The following FAM135B variants were observed in gnomAD, a reference collection of about 807,000 sequenced individuals.
The protein encoded by FAM135B is protein FAM135B.
Under a neutral mutation model 127.7 loss-of-function variants are expected in FAM135B, and 43 were observed. The ratio of observed to expected loss-of-function variants is 0.34; its 90% confidence interval spans 0.26 to 0.43. The LOEUF (loss-of-function observed/expected upper bound fraction) is 0.43, where lower values mean the gene tolerates loss of function less well. Among genes scored for constraint, FAM135B ranks in the 20% least tolerant of loss-of-function variants. The pLI is 1.00. For synonymous variants in FAM135B, 670 were observed against 665.1 expected, an observed-to-expected ratio of 1.01 and a Z score of -0.11; for missense variants, 1,558 against 1,725.6, an observed-to-expected ratio of 0.90 and a Z score of 1.72.
Position 138,159,278 on chromosome 8 carries a change from C to CAAAAA in FAM135B, c.1259-6067_1259-6063dup, listed in dbSNP as rs1441016128. On this transcript the variant is annotated intron_variant, in intron 12 of 19. Coordinates refer to ENST00000395297, the MANE Select transcript of FAM135B (RefSeq NM_015912.4). ...TGGGCGACAGAGCGAGACTCCGTCT[C>CAAAAA]AAAAAAAAAAAAAGACACATGCACA... is the stretch of plus-strand genomic sequence containing the variant. Among the ~76,000 whole-genome samples the CAAAAA allele has an allele frequency of 5.7e-4, 18 of 31,656 alleles. 4 individuals are homozygous for CAAAAA. In the East Asian group the frequency reaches 0.012, roughly 20 times the overall value. 20.8% of individuals were successfully genotyped at this position (31,656 alleles called of 152,430 possible). A position where few individuals can be genotyped will look rare whatever the true frequency, so the allele number is the denominator to read the frequency against.
At chr8:138,223,312 C>G (rs1252012449) in intron 7 of FAM135B, among the ~76,000 whole-genome samples, 1 of 152,106 alleles carries the variant, frequency 6.6e-6, no homozygotes, top group Non-Finnish European at 1.5e-5. Context: ...ACTTGTAGTC[C>G]AGGAGCTCTT....
chr8:138,393,545 A>G (rs1288167912), intron 1 of FAM135B, among the ~76,000 whole-genome samples: 1 of 152,112 alleles, frequency 6.6e-6, no homozygotes, highest in African/African-American at 2.4e-5. Flanking sequence ...CCTGCAGCTT[A>G]GCTTACGGGC....
intron 7 of FAM135B, among the ~76,000 whole-genome samples, chr8:138,219,427 C>G (rs1310210876): frequency 3.3e-5 from 5 of 152,162 alleles, no homozygotes; most frequent in Non-Finnish European, 7.3e-5. Context: ...GATTTGCTGC[C>G]TTTAGTCATT....
In FAM135B at chr8:138,350,007, T is replaced by C. The variant is rs114041354; in HGVS notation, c.77+17900A>G. 6.1e-3 allele frequency among the ~76,000 whole-genome samples: 924 copies of C among 152,242 alleles called. 14 individuals carry two copies. The highest frequency in any genetic ancestry group is 0.021 in the African/African-American group (857 of 41,532). Reference sequence around the variant, plus strand: ...CAAAAGACCTGTGAGGTGGACTCTATCGTTATTCTCCATGTTCAGATGAGA... The same window carrying C: ...CAAAAGACCTGTGAGGTGGACTCTACCGTTATTCTCCATGTTCAGATGAGA... On this transcript the variant is annotated intron_variant, in intron 2 of 19. Coordinates refer to ENST00000395297, the MANE Select transcript of FAM135B (RefSeq NM_015912.4).
chr8:138,403,429 C>T (rs1833269833), intron 1 of FAM135B, among the ~76,000 whole-genome samples: 1 of 152,134 alleles, frequency 6.6e-6, no homozygotes, highest in South Asian at 2.1e-4. Flanking sequence ...TCAAACAGGT[C>T]ACCAAATTGT....
intron 2 of FAM135B, among the ~76,000 whole-genome samples, chr8:138,344,972 G>A (rs997647485): frequency 6.6e-6 from 1 of 152,200 alleles, no homozygotes; most frequent in Non-Finnish European, 1.5e-5. Context: ...TTTTATGCTT[G>A]TTCTCCCACG....
At chr8:138,435,153 C>G (rs1835391080) in intron 1 of FAM135B, among the ~76,000 whole-genome samples, 2 of 152,192 alleles carry the variant, frequency 1.3e-5, no homozygotes, top group Middle Eastern at 3.4e-3. Flanking sequence ...AAAAAATTAG[C>G]CAGACGTCGT....
intron 3 of FAM135B, among the ~76,000 whole-genome samples, chr8:138,277,851 C>T (rs1045667816): frequency 6.6e-6 from 1 of 152,204 alleles, no homozygotes; most frequent in Non-Finnish European, 1.5e-5. Flanking sequence ...CCAATACACA[C>T]ACTCCATTCA....
At chr8:138,321,099 C>T (rs917748867) in intron 2 of FAM135B, among the ~76,000 whole-genome samples, 5 of 152,128 alleles carry the variant, frequency 3.3e-5, no homozygotes, top group African/African-American at 7.2e-5. Context: ...GAAAACTTAA[C>T]GCTAGTAACT....
intron 9 of FAM135B, among the ~76,000 whole-genome samples, chr8:138,189,848 A>G (rs1815950656): frequency 6.6e-6 from 1 of 152,180 alleles, no homozygotes; most frequent in African/African-American, 2.4e-5. Flanking sequence ...CTAATAAGAT[A>G]AGTCAGCAAC....
intron 2 of FAM135B, among the ~76,000 whole-genome samples, chr8:138,336,712 A>G (rs1828620937): frequency 6.6e-6 from 1 of 152,208 alleles, no homozygotes; most frequent in South Asian, 2.1e-4. Flanking sequence ...TTCTGAAATT[A>G]TTACAATTAA....
chr8:138,227,596 T>C (rs1156385776), intron 7 of FAM135B, among the ~76,000 whole-genome samples: 1 of 152,198 alleles, frequency 6.6e-6, no homozygotes, highest in African/African-American at 2.4e-5. Context: ...GTATACAGTT[T>C]GGTGAGTCTG....
At chr8:138,436,359 A>G (rs1835458797) in intron 1 of FAM135B, among the ~76,000 whole-genome samples, 2 of 152,170 alleles carry the variant, frequency 1.3e-5, no homozygotes. Flanking sequence ...TATGCAATGC[A>G]TAGCGGCACT....
chr8:138,195,156 T>C, intron 9 of FAM135B, 102 bp downstream of exon 9: 2 of 1,031,948 alleles, frequency 1.9e-6, no homozygotes, highest in South Asian at 1.4e-5. Flanking sequence ...AAGTTACAAG[T>C]GGTGTCTTTT....
intron 7 of FAM135B, among the ~76,000 whole-genome samples, chr8:138,223,313 A>G (rs914772035): frequency 6.6e-6 from 1 of 152,238 alleles, no homozygotes; most frequent in African/African-American, 2.4e-5. Flanking sequence ...CTTGTAGTCC[A>G]GGAGCTCTTG....
intron 1 of FAM135B, among the ~76,000 whole-genome samples, chr8:138,417,915 C>G (rs565245322): frequency 7.9e-5 from 12 of 152,214 alleles, no homozygotes; most frequent in African/African-American, 2.9e-4. Context: ...AAAGGAGTGC[C>G]CTAACTTCCC....
chr8:138,192,639 C>T (rs373625184), intron 9 of FAM135B, among the ~76,000 whole-genome samples: 21 of 152,026 alleles, frequency 1.4e-4, no homozygotes, highest in Admixed American at 3.3e-4. Context: ...ACAGACTCAG[C>T]GCAAGAGGAC....
rs756798577 is a variant in FAM135B, at chr8:138,242,633, T to C, written c.669+309A>G. Among the ~76,000 whole-genome samples the C allele has an allele frequency of 8.5e-5, 13 of 152,106 alleles. No individual in the cohort carries two copies. Among genetic ancestry groups the C allele is most frequent in the Non-Finnish European group, 1.6e-4 (11 of 68,032 alleles). On this transcript the variant is annotated intron_variant, in intron 7 of 19. Coordinates refer to ENST00000395297, the MANE Select transcript of FAM135B (RefSeq NM_015912.4). This position sits in a 1 kb window ranked among gnomAD's most constrained non-coding sequence, Gnocchi z 9.6. ...AGACATGGCCTTCAACGTTATCACA[T>C]AGTCTGAGTGGCCCCCTCACAGCAC... is the stretch of plus-strand genomic sequence containing the variant.
At chr8:138,460,011 T>C (rs1837034673) in intron 1 of FAM135B, among the ~76,000 whole-genome samples, 1 of 152,220 alleles carries the variant, frequency 6.6e-6, no homozygotes, top group Non-Finnish European at 1.5e-5. Flanking sequence ...TGATTTAATA[T>C]ATGCAAAAGC....
Sources: gnomAD v4.1 joint callset for allele counts (sites outside exome capture counted in the v4.1 genomes callset) on GRCh38, gnomAD v4.1.1 for gene constraint, Gnocchi (gnomAD v3.1) non-coding constraint, MANE v1.5 for transcripts, NCBI Gene and HGNC (gene_info 2026-07-23, HGNC 2026-07-21) for gene names.